NFAM1: variants seen among roughly 807,000 people sequenced by gnomAD.
NFAM1 encodes the protein NFAT activation molecule 1.
NFAM1 carries 17 observed loss-of-function variants against 29.0 expected under a neutral mutation model. The ratio of observed to expected loss-of-function variants is 0.59; its 90% CI spans 0.40 to 0.88. The LOEUF (loss-of-function observed/expected upper bound fraction) is 0.88. Ranked by LOEUF, NFAM1 falls within the 40% of genes least tolerant of loss-of-function variation. The pLI is 0.00. For synonymous variants in NFAM1, 175 were observed against 147.2 expected, an observed-to-expected ratio of 1.19 and a Z score of -1.36; for missense variants, 324 against 344.6, an observed-to-expected ratio of 0.94 and a Z score of 0.47.
intron 1 of NFAM1, among the ~76,000 whole-genome samples, chr22:42,420,760 ACT>A (rs1173060240): frequency 7.7e-6 from 1 of 130,332 alleles, no homozygotes; most frequent in Non-Finnish European, 1.6e-5. Context: ...ACAGAGCGAG[ACT>A]CTGTCACAAA....
chr22:42,402,148 T>C (rs1310188601), intron 3 of NFAM1, among the ~76,000 whole-genome samples: 1 of 152,068 alleles, frequency 6.6e-6, no homozygotes, highest in Non-Finnish European at 1.5e-5. Flanking sequence ...CTGGGACGCC[T>C]AGGAAGCCCC....
At chr22:42,437,406 G>C in the NFAM1 span, among the ~76,000 whole-genome samples, 1 of 152,136 alleles carries the variant, frequency 6.6e-6, no homozygotes, top group African/African-American at 2.4e-5. Flanking sequence ...GTCTCCCAAA[G>C]TGCTGGGATT....
chr22:42,401,130 A>G (rs5996157), intron 3 of NFAM1, among the ~76,000 whole-genome samples: 260 of 152,308 alleles, frequency 1.7e-3, no homozygotes, highest in African/African-American at 6.1e-3. Context: ...GGATCCCAAG[A>G]AGGGGCCCCA....
rs758850374 is a variant in NFAM1, at chr22:42,397,858, T to C, written c.663A>G (p.Thr221=). 6.2e-7 allele frequency: 1 copy of C among 1,603,770 alleles called. No homozygotes were observed. The highest frequency in any genetic ancestry group is 8.5e-7 in the Non-Finnish European group (1 of 1,170,806). The change falls in exon 4 of 6, where the codon ACA becomes ACG. Residue 221 remains threonine (T), a splice_region_variant and synonymous_variant. Coordinates refer to ENST00000329021, the MANE Select transcript of NFAM1 (RefSeq NM_145912.8). ...GGGAGCCGGGGGCCCCGGGACTCAC[T>C]GTGTAGACAGATTCTGAAGGATGCT... ...PKQHPSESVY[T]ALQRRETEVY...
At chr22:42,392,958 C>A (rs1454825813) in intron 4 of NFAM1, among the ~76,000 whole-genome samples, 1 of 152,000 alleles carries the variant, frequency 6.6e-6, no homozygotes, top group Non-Finnish European at 1.5e-5. Context: ...CACCACCATG[C>A]CTGGCTAATT....
upstream of NFAM1, among the ~76,000 whole-genome samples, chr22:42,433,952 A>G (rs1447282157): frequency 6.6e-6 from 1 of 152,078 alleles, no homozygotes; most frequent in Non-Finnish European, 1.5e-5. Flanking sequence ...TGCCTCTACA[A>G]GTCTCATTAC....
intron 4 of NFAM1, among the ~76,000 whole-genome samples, chr22:42,390,529 G>T: frequency 6.6e-6 from 1 of 152,040 alleles, no homozygotes; most frequent in African/African-American, 2.4e-5. Flanking sequence ...AAAGAATGAG[G>T]GAGCGGGCTG....
chr22:42,420,930 C>A (rs1930424173), intron 1 of NFAM1, among the ~76,000 whole-genome samples: 1 of 152,172 alleles, frequency 6.6e-6, no homozygotes, highest in Non-Finnish European at 1.5e-5. Flanking sequence ...GGCCTGGGGA[C>A]AATGGTAGTC....
intron 1 of NFAM1, among the ~76,000 whole-genome samples, chr22:42,428,184 G>A (rs943438591): frequency 3.9e-5 from 6 of 152,076 alleles, no homozygotes; most frequent in South Asian, 2.1e-4. Context: ...AGCCTCTCCC[G>A]GCCCTCCTGG....
At chr22:42,389,595 G>A (rs1929264085) in intron 4 of NFAM1, among the ~76,000 whole-genome samples, 1 of 150,982 alleles carries the variant, frequency 6.6e-6, no homozygotes, top group Non-Finnish European at 1.5e-5. Flanking sequence ...TGTGGGGCTG[G>A]GGCTGGGCTG....
At chr22:42,424,259 C>CA (rs1211879677) in intron 1 of NFAM1, among the ~76,000 whole-genome samples, 4 of 151,952 alleles carry the variant, frequency 2.6e-5, no homozygotes, top group East Asian at 1.9e-4. Context: ...ACTAAAAATA[C>CA]AAAAAATTAG....
intron 4 of NFAM1, among the ~76,000 whole-genome samples, chr22:42,390,239 C>T (rs1275262246): frequency 6.6e-6 from 1 of 152,128 alleles, no homozygotes; most frequent in Admixed American, 6.6e-5. Context: ...GTCCCCACTT[C>T]CCTGTGCTGG....
chr22:42,407,961 G>A (rs1448601741), intron 3 of NFAM1, among the ~76,000 whole-genome samples: 2 of 140,126 alleles, frequency 1.4e-5, no homozygotes, highest in African/African-American at 5.4e-5. Flanking sequence ...AGGCTGAAGT[G>A]CAGTAGTGTA....
chr22:42,399,151 T>C (rs1226243279), intron 3 of NFAM1, among the ~76,000 whole-genome samples: 1 of 151,778 alleles, frequency 6.6e-6, no homozygotes, highest in African/African-American at 2.4e-5. Flanking sequence ...GTGGAGAAGG[T>C]CAGCATAGGC....
intron 1 of NFAM1, among the ~76,000 whole-genome samples, chr22:42,425,638 G>A (rs537644256): frequency 6.6e-6 from 1 of 152,214 alleles, no homozygotes; most frequent in African/African-American, 2.4e-5. Context: ...GGTCAGCAAA[G>A]ATGCTGGTGG....
At chr22:42,433,003 C>T (rs867609392), upstream of NFAM1, among the ~76,000 whole-genome samples, 3 of 152,116 alleles carry the variant, frequency 2.0e-5, no homozygotes, top group South Asian at 2.1e-4. Flanking sequence ...CCATCTCTAA[C>T]GTCAGCTCCT....
At chr22:42,405,746 C>A (rs1929875478) in intron 3 of NFAM1, among the ~76,000 whole-genome samples, 1 of 152,196 alleles carries the variant, frequency 6.6e-6, no homozygotes, top group Admixed American at 6.5e-5. Flanking sequence ...GAGCACAGAG[C>A]CCTCCTGGAC....
intron 1 of NFAM1, among the ~76,000 whole-genome samples, chr22:42,414,209 T>C (rs1018208260): frequency 6.6e-6 from 1 of 152,172 alleles, no homozygotes; most frequent in Admixed American, 6.5e-5. Context: ...TGAAATGTCA[T>C]TCCAGGGAGC....
chr22:42,413,647 C>T lies in NFAM1; in HGVS notation c.122-1911G>A, dbSNP rs533824444. Among the ~76,000 whole-genome samples, 4 of 152,170 alleles carry T rather than the reference C, an allele frequency of 2.6e-5. No individual in the cohort carries two copies. The South Asian group carries it at 6.2e-4, about 24-fold the overall frequency. ...AAAAAAAGAAAAAAAAATCAGGAGC[C>T]GCGGTGGCTCAGGCCTGTTGTCCTG... is the stretch of plus-strand genomic sequence containing the variant. On this transcript the variant is annotated intron_variant, in intron 1 of 5. Transcript: ENST00000329021.
Sources: allele counts gnomAD v4.1 joint callset (sites outside exome capture counted in the v4.1 genomes callset), GRCh38; gene constraint gnomAD v4.1.1; transcripts MANE v1.5; gene names NCBI Gene and HGNC (gene_info 2026-07-23, HGNC 2026-07-21).